The following GALNS variants were observed in gnomAD, a reference collection of about 807,000 sequenced individuals.
GALNS encodes N-acetylgalactosamine-6-sulfatase.
In GALNS, 65 loss-of-function variants were observed where a neutral mutation model predicts 65.9. That is an observed-to-expected ratio of 0.99 (90% CI 0.81 to 1.21). GALNS has a LOEUF of 1.21. Among genes scored for constraint, GALNS ranks in the 50% most tolerant of loss-of-function variants. The probability of loss-of-function intolerance (pLI) is 0.00; values close to 1 mark genes in which losing one functional copy is unlikely to be tolerated. For synonymous variants in GALNS, 346 were observed against 288.9 expected (o/e 1.20, Z -2.00); for missense variants, 776 against 700.7 (o/e 1.11, Z -1.21).
intron 1 of GALNS, 26 bp downstream of exon 1, chr16:88,856,732 T>TA: frequency 1.7e-6 from 1 of 598,870 alleles, no homozygotes; most frequent in South Asian, 1.7e-5. Flanking sequence ...ACCCCGGCCC[T>TA]GCCCCGTCCC....
At chr16:88,822,815 C>A in intron 11 of GALNS, 105 bp from the exon 12 acceptor site, 1 of 1,496,476 alleles carries the variant, frequency 6.7e-7, no homozygotes. Context: ...CGTGAGGGGC[C>A]TTGTCTGCCT....
At chr16:88,824,118 G>A (rs555570157) in intron 11 of GALNS, among the ~76,000 whole-genome samples, 5 of 152,300 alleles carry the variant, frequency 3.3e-5, no homozygotes, top group African/African-American at 9.6e-5. Context: ...CAGATTAGCA[G>A]GGGGTTCATA....
intron 1 of GALNS, chr16:88,843,324 A>T (rs1269885458): frequency 1.4e-6 from 1 of 725,402 alleles, no homozygotes; most frequent in Non-Finnish European, 2.0e-6. Flanking sequence ...CTGCAACTCC[A>T]CTCCTAGCTG....
intron 9 of GALNS, among the ~76,000 whole-genome samples, chr16:88,829,185 G>A (rs1310983486): frequency 6.6e-6 from 1 of 152,036 alleles, no homozygotes; most frequent in Non-Finnish European, 1.5e-5. Flanking sequence ...CACAGTTCCT[G>A]AGTCTCATGC....
chr16:88,832,681 C>T (rs1479929212), intron 8 of GALNS, among the ~76,000 whole-genome samples: 4 of 152,210 alleles, frequency 2.6e-5, no homozygotes, highest in East Asian at 1.9e-4. Context: ...GGGGGGCCCA[C>T]GTCAGGGACA....
At chr16:88,836,340 G>T in intron 5 of GALNS, 73 bp from the exon 6 acceptor site, 1 of 1,204,568 alleles carries the variant, frequency 8.3e-7, no homozygotes, top group Non-Finnish European at 1.2e-6. Flanking sequence ...GATTTCACCA[G>T]CAAAGCCATG....
intron 4 of GALNS, among the ~76,000 whole-genome samples, chr16:88,838,269 G>A (rs1232300880): frequency 6.6e-6 from 1 of 152,182 alleles, no homozygotes. Flanking sequence ...CAGGGCAATG[G>A]CCCCAGGATG....
chr16:88,831,214 C>T (rs576699189), intron 9 of GALNS, among the ~76,000 whole-genome samples: 77 of 151,888 alleles, frequency 5.1e-4, no homozygotes, highest in African/African-American at 1.1e-3. Context: ...CCGAGGAGAG[C>T]GGTGAGGCCG....
intron 2 of GALNS, 173 bp downstream of exon 2, chr16:88,842,533 C>T (rs543531551): frequency 1.5e-4 from 114 of 781,676 alleles, no homozygotes; most frequent in African/African-American, 1.4e-3. Flanking sequence ...CCACATGGCA[C>T]GGAGCCGGGC....
intron 13 of GALNS, 121 bp downstream of exon 13, chr16:88,817,886 A>G (rs116611634): frequency 1.1e-6 from 1 of 872,566 alleles, no homozygotes; most frequent in Non-Finnish European, 1.8e-6. Context: ...GGGCCTCACC[A>G]CTGACGGAGG....
intron 1 of GALNS, among the ~76,000 whole-genome samples, chr16:88,848,355 G>A (rs1202335322): frequency 6.6e-6 from 1 of 152,176 alleles, no homozygotes; most frequent in Non-Finnish European, 1.5e-5. Context: ...GAAAGGCCGG[G>A]CGCGGTGGTT....
At chr16:88,842,277 G>C (rs112342405) in intron 2 of GALNS, 37 of 543,806 alleles carry the variant, frequency 6.8e-5, no homozygotes, top group Non-Finnish European at 1.0e-4. Context: ...CCCCATCCTC[G>C]AGCACCAGCC....
chr16:88,822,773 T>C, intron 11 of GALNS, 63 bp from the exon 12 acceptor site: 1 of 1,584,220 alleles, frequency 6.3e-7, no homozygotes. Context: ...AGGGGCCTCG[T>C]CTGCCCGTGT....
At chr16:88,852,097 C>T (rs1049156399) in intron 1 of GALNS, among the ~76,000 whole-genome samples, 53 of 152,226 alleles carry the variant, frequency 3.5e-4, no homozygotes, top group African/African-American at 1.3e-3. Flanking sequence ...CTGGGAGATA[C>T]TTCCCAGTAG....
chr16:88,834,559 T>G (rs554925242), intron 8 of GALNS, among the ~76,000 whole-genome samples: 26 of 128,016 alleles, frequency 2.0e-4, no homozygotes, highest in African/African-American at 6.3e-4. Context: ...GGGAAGAGGC[T>G]GCAGGGCCCC....
intron 12 of GALNS, among the ~76,000 whole-genome samples, chr16:88,818,817 C>T (rs1010920180): frequency 2.6e-5 from 4 of 152,234 alleles, no homozygotes; most frequent in Non-Finnish European, 5.9e-5. Context: ...CACCTGCCAT[C>T]GCTGCCATAG....
At chr16:88,854,557 C>G (rs1271697212) in intron 1 of GALNS, among the ~76,000 whole-genome samples, 1 of 152,248 alleles carries the variant, frequency 6.6e-6, no homozygotes, top group Non-Finnish European at 1.5e-5. Flanking sequence ...CTGGGCTGGA[C>G]AGGTCAGCAT....
chr16:88,842,992 G>A (rs1193295833), intron 1 of GALNS, 163 bp from the exon 2 acceptor site: 38 of 1,507,458 alleles, frequency 2.5e-5, no homozygotes, highest in Non-Finnish European at 1.4e-5. Flanking sequence ...CATCGCCTGC[G>A]TGCGTGCACG....
chr16:88,837,673 T>C lies in GALNS; in HGVS notation c.515A>G (p.Asn172Ser), dbSNP rs149399411. The stretch of plus-strand genomic sequence containing the variant: ...CACAGGGATGTTGGGCCTGGCCTTG[T>C]TGTCATAAGGTCCAAAGTGGCAGTT... Reference protein sequence around the residue: ...SPNCHFGPYDNKARPNIPVYR... With the variant: ...SPNCHFGPYDSKARPNIPVYR... The change falls in exon 5 of 14, where the codon AAC (asparagine) becomes AGC (serine). Residue 172 changes from asparagine to serine, a missense_variant. By Grantham distance (46) the Asn-to-Ser change is conservative (BLOSUM62 1). Transcript: ENST00000268695. 1.9e-5 allele frequency: 30 copies of C among 1,614,044 alleles called. No homozygotes were observed. The African/African-American group carries it at 3.7e-4, about 20-fold the overall frequency.
Sources: allele counts gnomAD v4.1 joint callset (sites outside exome capture counted in the v4.1 genomes callset), GRCh38; gene constraint gnomAD v4.1.1; transcripts MANE v1.5; gene names NCBI Gene and HGNC (gene_info 2026-07-23, HGNC 2026-07-21).